Variants in PARD3B observed in about 807,000 individuals in gnomAD.
The protein encoded by PARD3B is partitioning defective 3 homolog B.
Under a neutral mutation model 130.2 loss-of-function variants are expected in PARD3B, and 103 were observed. That is an observed-to-expected ratio of 0.79 (90% CI 0.67 to 0.93). PARD3B has a LOEUF of 0.93. Among genes scored for constraint, PARD3B ranks in the 40% least tolerant of loss-of-function variants. The pLI, the probability that PARD3B is intolerant of heterozygous loss-of-function variation, is 0.00. For synonymous variants in PARD3B, 583 were observed against 553.2 expected (o/e 1.05, Z -0.76); for missense variants, 1,609 against 1,499.2 (o/e 1.07, Z -1.21).
At chr2:205,245,661 T>C in intron 15 of PARD3B, 117 bp from the exon 16 acceptor site, 1 of 787,146 alleles carries the variant, frequency 1.3e-6, no homozygotes, top group Non-Finnish European at 2.0e-6. Context: ...AAAATGTTTC[T>C]CAAATCTCTG....
In PARD3B at chr2:205,473,262, C is replaced by T. The variant is rs1196514782; in HGVS notation, c.3045-26634C>T. On this transcript the variant is annotated intron_variant, in intron 20 of 22. Transcript: ENST00000406610. This position sits in a 1 kb window ranked among gnomAD's most constrained non-coding sequence, Gnocchi z 4.9. ...AAGGGGACTGATTTCATAAATTTAG[C>T]ATATTACGCATTGCAGCATTCTGCC... 1.3e-5 allele frequency among the ~76,000 whole-genome samples: 2 copies of T among 152,092 alleles called. No individual in the cohort carries two copies. Among genetic ancestry groups the T allele is most frequent in the African/African-American group, 4.8e-5 (2 of 41,426 alleles).
intron 4 of PARD3B, among the ~76,000 whole-genome samples, chr2:205,103,135 CAT>C (rs1171575295): frequency 3.9e-5 from 4 of 103,274 alleles, no homozygotes; most frequent in East Asian, 3.4e-4. Flanking sequence ...GTAAAATAAA[CAT>C]ATTTTATATT....
At chr2:205,602,540 G>C (rs2054829345) in intron 22 of PARD3B, among the ~76,000 whole-genome samples, 1 of 152,052 alleles carries the variant, frequency 6.6e-6, no homozygotes, top group Non-Finnish European at 1.5e-5. Context: ...ATTTATTACT[G>C]CCTCAATTTC....
chr2:204,978,075 C>T (rs538252197), intron 3 of PARD3B, among the ~76,000 whole-genome samples: 51 of 152,206 alleles, frequency 3.4e-4, no homozygotes, highest in African/African-American at 1.2e-3. Context: ...CTGATGGCTA[C>T]ATTCAAAAGG....
chr2:205,348,326 A>G (rs2043869965), intron 18 of PARD3B, among the ~76,000 whole-genome samples: 2 of 152,218 alleles, frequency 1.3e-5, no homozygotes, highest in Admixed American at 1.3e-4. Flanking sequence ...TGATCTTGAC[A>G]TTCTCCTCTC....
At chr2:204,818,181 A>C (rs1191687670) in intron 2 of PARD3B, among the ~76,000 whole-genome samples, 2 of 152,180 alleles carry the variant, frequency 1.3e-5, no homozygotes, top group Non-Finnish European at 2.9e-5. Flanking sequence ...TCAAGTGATT[A>C]TGAATCCAAA....
intron 18 of PARD3B, among the ~76,000 whole-genome samples, chr2:205,378,822 G>T (rs2105927977): frequency 6.6e-6 from 1 of 152,014 alleles, no homozygotes; most frequent in South Asian, 2.1e-4. Flanking sequence ...AGTAGAGACG[G>T]GGTTTCACTA....
intron 15 of PARD3B, among the ~76,000 whole-genome samples, chr2:205,219,902 A>G (rs2038149668): frequency 6.6e-6 from 1 of 152,220 alleles, no homozygotes. Flanking sequence ...AGCCCTGCAC[A>G]TGATTTGGAT....
chr2:204,871,222 G>C (rs1171126156), intron 2 of PARD3B, among the ~76,000 whole-genome samples: 1 of 152,026 alleles, frequency 6.6e-6, no homozygotes, highest in Non-Finnish European at 1.5e-5. Context: ...AGAGATATTT[G>C]TAGACTGTTC....
chr2:204,730,269 A>G (rs1256853704), intron 2 of PARD3B, among the ~76,000 whole-genome samples: 1 of 152,072 alleles, frequency 6.6e-6, no homozygotes, highest in Non-Finnish European at 1.5e-5. Flanking sequence ...GGGCTTTGCC[A>G]TGTTGGCCAG....
At chr2:204,965,455 AT>A (rs541856481) in intron 3 of PARD3B, 132 bp downstream of exon 3, 17 of 978,260 alleles carry the variant, frequency 1.7e-5, no homozygotes, top group Non-Finnish European at 2.2e-5. Flanking sequence ...TCTTTAAATT[AT>A]TTTTTTACAT....
chr2:204,809,357 A>G (rs952195411), intron 2 of PARD3B, among the ~76,000 whole-genome samples: 23 of 152,248 alleles, frequency 1.5e-4, no homozygotes, highest in Admixed American at 1.0e-3. Context: ...GCCAGTTTCT[A>G]TGTTCAGAAT....
chr2:204,652,104 T>C (rs2035499384), intron 1 of PARD3B, among the ~76,000 whole-genome samples: 1 of 152,140 alleles, frequency 6.6e-6, no homozygotes, highest in Non-Finnish European at 1.5e-5. Context: ...ATTTTCCCCA[T>C]TGTCTTGGCT....
chr2:204,679,002 G>A (rs1019603471), intron 1 of PARD3B, among the ~76,000 whole-genome samples: 81 of 152,232 alleles, frequency 5.3e-4, no homozygotes, highest in African/African-American at 1.8e-3. Context: ...TCTACATTGT[G>A]AATTAATTAT....
chr2:204,986,937 T>A (rs571230052), intron 3 of PARD3B, among the ~76,000 whole-genome samples: 38 of 152,314 alleles, frequency 2.5e-4, no homozygotes, highest in African/African-American at 8.9e-4. Context: ...TTTTGAGGTA[T>A]TTTTCATTAC....
intron 1 of PARD3B, among the ~76,000 whole-genome samples, chr2:204,590,975 G>A (rs1374478568): frequency 6.6e-6 from 1 of 152,112 alleles, no homozygotes; most frequent in Non-Finnish European, 1.5e-5. Context: ...TTAGCATTTT[G>A]TAATAAATTT....
intron 22 of PARD3B, among the ~76,000 whole-genome samples, chr2:205,595,677 T>A (rs2054544368): frequency 6.6e-6 from 1 of 152,198 alleles, no homozygotes; most frequent in African/African-American, 2.4e-5. Context: ...GAGGGTGAAC[T>A]TACAGTTTTC....
chr2:204,647,303 GT>G lies in PARD3B; in HGVS notation c.121-38872del, dbSNP rs573313401. On this transcript the variant is annotated intron_variant, in intron 1 of 22. Transcript: ENST00000406610. ...ATTGGGTTGTCTGTTGTTCATTTTT[GT>G]TTTTTGAGGCATTCCTTATATTCTG... 3.3e-3 allele frequency among the ~76,000 whole-genome samples: 507 copies of G among 151,374 alleles called. 2 individuals carry two copies. Among genetic ancestry groups the G allele is most frequent in the African/African-American group, 0.012 (479 of 41,394 alleles).
intron 21 of PARD3B, among the ~76,000 whole-genome samples, chr2:205,511,891 A>G (rs139083962): frequency 6.0e-4 from 92 of 152,282 alleles, no homozygotes; most frequent in African/African-American, 2.1e-3. Flanking sequence ...AGGTCACTAC[A>G]GCGGCCATCT....
Sources: gnomAD v4.1 joint callset for allele counts (sites outside exome capture counted in the v4.1 genomes callset) on GRCh38, gnomAD v4.1.1 for gene constraint, Gnocchi (gnomAD v3.1) non-coding constraint, MANE v1.5 for transcripts, NCBI Gene and HGNC (gene_info 2026-07-23, HGNC 2026-07-21) for gene names.